SNX29: variants seen among roughly 807,000 people sequenced by gnomAD.
SNX29 encodes the protein sorting nexin 29.
In SNX29, 78 loss-of-function variants were observed where a neutral mutation model predicts 102.1. The observed-to-expected ratio is 0.76, with a 90% CI of 0.64 to 0.92. The LOEUF is 0.92. Among genes scored for constraint, SNX29 ranks in the 40% least tolerant of loss-of-function variants. The pLI is 0.00. For missense variants in SNX29, 1,280 were observed against 1,061.7 expected (o/e 1.21, Z -2.86); for synonymous variants, 580 against 414.5 (o/e 1.40, Z -4.85).
At chr16:12,384,613 T>G (rs2083284933) in intron 16 of SNX29, among the ~76,000 whole-genome samples, 1 of 152,230 alleles carries the variant, frequency 6.6e-6, no homozygotes, top group African/African-American at 2.4e-5. Context: ...ATAGTCTGTT[T>G]ATTAATTCCT....
intron 20 of SNX29, among the ~76,000 whole-genome samples, chr16:12,542,674 G>A (rs553947578): frequency 1.3e-5 from 2 of 152,100 alleles, no homozygotes; most frequent in African/African-American, 4.8e-5. Context: ...AGCGTGTTGG[G>A]AACATGGACT....
intron 15 of SNX29, among the ~76,000 whole-genome samples, chr16:12,314,305 T>C (rs2080660949): frequency 6.6e-6 from 1 of 152,278 alleles, no homozygotes; most frequent in Non-Finnish European, 1.5e-5. Context: ...AGCTTGTTAA[T>C]TGTAGAAGTA....
chr16:12,467,023 G>A (rs1409811890), intron 18 of SNX29, among the ~76,000 whole-genome samples: 1 of 152,188 alleles, frequency 6.6e-6, no homozygotes. Context: ...TTTTCCCCTG[G>A]CTTTCCTAGG....
At chr16:12,230,149 G>A (rs189048644) in intron 14 of SNX29, among the ~76,000 whole-genome samples, 4 of 152,260 alleles carry the variant, frequency 2.6e-5, no homozygotes, top group Non-Finnish European at 5.9e-5. Flanking sequence ...GTGTTTAAAC[G>A]AAAACAAAGA....
At chr16:12,186,111 A>G (rs709418) in intron 13 of SNX29, among the ~76,000 whole-genome samples, 86,061 of 152,162 alleles carry the variant, frequency 0.57, 29,053 homozygotes, top group Non-Finnish European at 0.73. Flanking sequence ...TTGGCTTTAT[A>G]GTACCAGTTA....
At chr16:12,438,372 T>C (rs926869957) in intron 18 of SNX29, among the ~76,000 whole-genome samples, 1 of 152,130 alleles carries the variant, frequency 6.6e-6, no homozygotes, top group African/African-American at 2.4e-5. Context: ...TTCTTTCTGC[T>C]GGTGTCCTTC....
chr16:12,388,460 TC>T (rs1439087256), intron 16 of SNX29, among the ~76,000 whole-genome samples: 1 of 152,236 alleles, frequency 6.6e-6, no homozygotes, highest in Non-Finnish European at 1.5e-5. Context: ...GATTTATTCC[TC>T]CCTACCTAGA....
chr16:12,464,510 G>A (rs1360741919), intron 18 of SNX29, among the ~76,000 whole-genome samples: 1 of 152,148 alleles, frequency 6.6e-6, no homozygotes, highest in Non-Finnish European at 1.5e-5. Flanking sequence ...CTGGAGTGCA[G>A]TGATGCGATC....
At chr16:12,040,335 T>A (rs2049829622) in intron 4 of SNX29, among the ~76,000 whole-genome samples, 1 of 152,186 alleles carries the variant, frequency 6.6e-6, no homozygotes, top group South Asian at 2.1e-4. Context: ...CTGTCCAGCC[T>A]GGGTGACAGA....
At chr16:12,392,105 G>A (rs1425247288) in intron 16 of SNX29, among the ~76,000 whole-genome samples, 1 of 152,186 alleles carries the variant, frequency 6.6e-6, no homozygotes, top group Middle Eastern at 3.2e-3. Context: ...TACTTCAAGA[G>A]GATAGTAGCT....
intron 18 of SNX29, among the ~76,000 whole-genome samples, chr16:12,450,066 C>T (rs751118645): frequency 7.9e-5 from 12 of 152,128 alleles, no homozygotes; most frequent in Non-Finnish European, 1.6e-4. Context: ...ACCCCTTTTG[C>T]TTATTCTTGT....
At chr16:12,333,871 A>G (rs980881294) in intron 15 of SNX29, among the ~76,000 whole-genome samples, 1 of 152,148 alleles carries the variant, frequency 6.6e-6, no homozygotes, top group Non-Finnish European at 1.5e-5. Flanking sequence ...CAGAGACCCG[A>G]ATGGAGAATG....
intron 14 of SNX29, among the ~76,000 whole-genome samples, chr16:12,246,924 C>T (rs1459456028): frequency 6.6e-6 from 1 of 152,036 alleles, no homozygotes; most frequent in Non-Finnish European, 1.5e-5. Flanking sequence ...TGTCTCCTTG[C>T]CTTGGATATG....
intron 14 of SNX29, among the ~76,000 whole-genome samples, chr16:12,250,827 G>T (rs746016510): frequency 1.0e-4 from 14 of 137,840 alleles, no homozygotes; most frequent in Non-Finnish European, 1.6e-4. Context: ...TTTTCTAGAA[G>T]AGCGACTGGG....
chr16:12,042,752 T>C (rs1378882081), intron 4 of SNX29, 145 bp from the exon 5 acceptor site: 2 of 766,966 alleles, frequency 2.6e-6, no homozygotes, highest in Non-Finnish European at 2.1e-6. Flanking sequence ...GTTGATTCCA[T>C]GTCTTTGGTG....
rs113013823 is a variant in SNX29 at position 12,440,272 on chromosome 16, A to T, written c.2037+36743A>T. ...AAAACTCACCTTTTCAAAGTGTACG[A>T]TTCAGTCACTTTTTAGGATATTCAC... On this transcript the variant is annotated intron_variant, in intron 18 of 20. Coordinates refer to ENST00000566228, the MANE Select transcript of SNX29 (RefSeq NM_032167.5). 8.6e-3 allele frequency among the ~76,000 whole-genome samples: 1,314 copies of T among 152,224 alleles called. 23 individuals carry two copies. Among genetic ancestry groups the T allele is most frequent in the African/African-American group, 0.03 (1,243 of 41,532 alleles).
chr16:12,501,820 TTTTA>T (rs1051717874), intron 19 of SNX29, among the ~76,000 whole-genome samples: 2 of 151,866 alleles, frequency 1.3e-5, no homozygotes, highest in African/African-American at 2.4e-5. Context: ...AATTTTATGG[TTTTA>T]TTTGTTTACT....
chr16:12,393,388 TCATTCATGCATGCATGCATGCATG>T (rs1484520922), intron 16 of SNX29, among the ~76,000 whole-genome samples: 3 of 118,564 alleles, frequency 2.5e-5, no homozygotes, highest in East Asian at 4.1e-4. Flanking sequence ...TATGATTCAT[TCATTCATGCATGCATGCATGCATG>T]CATTCATTCA....
rs1015623831 is a variant in SNX29, at chr16:12,571,485, G to T, written c.*2856G>T. On this transcript the variant is annotated 3_prime_UTR_variant, in exon 21 of 21. Transcript: ENST00000566228. ...AGAAGCCCCCTCCCCTACTCAGAGA[G>T]GAACGAGGGTGGCCCACCTCTCAAG... 9.9e-6 allele frequency: 3 copies of T among 304,160 alleles called. No homozygotes were observed. The highest frequency in any genetic ancestry group is 1.6e-5 in the Non-Finnish European group (3 of 183,386). The allele number at this position is 304,160 out of a possible 1,614,324, so 18.8% of individuals were successfully genotyped here. A position where few individuals can be genotyped will look rare whatever the true frequency, so the allele number is the denominator to read the frequency against.
Sources: gnomAD v4.1 joint callset for allele counts (sites outside exome capture counted in the v4.1 genomes callset) on GRCh38, gnomAD v4.1.1 for gene constraint, MANE v1.5 for transcripts, NCBI Gene and HGNC (gene_info 2026-07-23, HGNC 2026-07-21) for gene names.